The following H1-2 variants were observed in gnomAD, a reference collection of about 807,000 sequenced individuals.
The protein encoded by H1-2 is H1.2 linker histone, cluster member, also known as histone H1.2.
In H1-2, 7 loss-of-function variants were observed where a neutral mutation model predicts 7.2. The ratio of observed to expected loss-of-function variants is 0.97; its 90% CI spans 0.55 to 1.82. The LOEUF is 1.82. Ranked by LOEUF, H1-2 falls within the 40% of genes most tolerant of loss-of-function variation. H1-2 has a pLI of 0.00. For synonymous variants in H1-2, 300 were observed against 118.2 expected, an observed-to-expected ratio of 2.54 and a Z score of -9.98; for missense variants, 703 against 276.6, an observed-to-expected ratio of 2.54 and a Z score of -10.94.
rs549427826 is a variant in H1-2 at position 26,056,277 on chromosome 6, G to C, written c.152C>G (p.Ser51Cys). The stretch of plus-strand genomic sequence containing the variant: ...CAGAGAAACTCCGCTACGCTCTTTA[G>C]AGGCGGCCACAGCCTTGGTGATGAG... ...SELITKAVAA[S>C]KERSGVSLAA... The change falls in exon 1 of 1, where the codon TCT becomes TGT. Residue 51 changes from serine (S) to cysteine (C), a missense_variant. Ser to Cys is a moderately radical substitution (Grantham distance 112). Coordinates refer to ENST00000343677, the MANE Select transcript of H1-2 (RefSeq NM_005319.4). 3.7e-6 allele frequency: 6 copies of C among 1,614,250 alleles called. No homozygotes were observed. Among genetic ancestry groups the C allele is most frequent in the African/African-American group, 1.3e-5 (1 of 75,078 alleles).
Position 26,055,768 on chromosome 6 carries a change from T to G in H1-2, c.*19A>C, listed in dbSNP as rs1761899211. The G allele has an allele frequency of 1.3e-6, 2 of 1,577,522 alleles. No homozygotes were observed. Among genetic ancestry groups the G allele is most frequent in the Non-Finnish European group, 1.7e-6 (2 of 1,169,014 alleles). On this transcript the variant is annotated 3_prime_UTR_variant, in exon 1 of 1. Transcript: ENST00000343677. ...TGGCTCTGAAAAGAGCCTTTTGGGT[T>G]TTAGAAGTAGGCGTTCGCCTATTTC...
chr6:26,056,459 C>G lies in H1-2; in HGVS notation c.-31G>C. On this transcript the variant is annotated 5_prime_UTR_variant, in exon 1 of 1. Coordinates refer to ENST00000343677, the MANE Select transcript of H1-2 (RefSeq NM_005319.4). ...GAATCAAAAACTCGGGTACAAGTGG[C>G]AAAGCGCCGATGAAGCAGCGCCTGG... The G allele has an allele frequency of 6.5e-7, 1 of 1,540,944 alleles. No homozygotes were observed. The highest frequency in any genetic ancestry group is 8.7e-7 in the Non-Finnish European group (1 of 1,149,056).
In H1-2 at chr6:26,056,313, G is replaced by A. The variant is rs763803622; in HGVS notation, c.116C>T (p.Pro39Leu). 5 of 1,614,020 alleles carry A rather than the reference G, an allele frequency of 3.1e-6. No homozygotes were observed. Among genetic ancestry groups the A allele is most frequent in the Non-Finnish European group, 1.7e-6 (2 of 1,179,888 alleles). ...AGCCTTGGTGATGAGCTCTGACACC[G>A]GGGGACCAGACGCCTTACGAGGCGT... Reference protein sequence around the residue: ...GGTPRKASGPPVSELITKAVA... With the variant: ...GGTPRKASGPLVSELITKAVA... Residue 39 changes from proline (P) to leucine (L), a missense_variant, in exon 1 of 1, where the codon CCG (proline) becomes CTG (leucine). Coordinates refer to ENST00000343677, the MANE Select transcript of H1-2 (RefSeq NM_005319.4).
rs747091108 is a variant in H1-2, at chr6:26,056,353, T to C, written c.76A>G (p.Lys26Glu). The C allele has an allele frequency of 3.4e-5, 55 of 1,613,516 alleles. No individual in the cohort carries two copies. Among genetic ancestry groups the C allele is most frequent in the Non-Finnish European group, 3.8e-5 (45 of 1,179,798 alleles). The part of the protein sequence containing the change: ...EKAPVKKKAA[K>E]KAGGTPRKAS... ...TTACGAGGCGTACCCCCAGCCTTTTTGGCCGCCTTCTTCTTTACAGGGGCC... is the reference window on the plus strand; with the variant it reads ...TTACGAGGCGTACCCCCAGCCTTTTCGGCCGCCTTCTTCTTTACAGGGGCC... Residue 26 changes from lysine (K) to glutamate (E), a missense_variant, in exon 1 of 1, where the codon AAA becomes GAA. Physicochemically the swap from Lys to Glu is moderately conservative, Grantham distance 56. Coordinates refer to ENST00000343677, the MANE Select transcript of H1-2 (RefSeq NM_005319.4).
chr6:26,056,182 C>T lies in H1-2; in HGVS notation c.247G>A (p.Gly83Ser). 1.9e-6 allele frequency: 3 copies of T among 1,614,248 alleles called. No homozygotes were observed. Among genetic ancestry groups the T allele is most frequent in the Non-Finnish European group, 2.5e-6 (3 of 1,180,048 alleles). Reference sequence around the variant, plus strand: ...CCCTTGCTCACCAGGCTCTTGAGACCAAGTTTGATACGGCTGTTGTTTTTC... The same window carrying T: ...CCCTTGCTCACCAGGCTCTTGAGACTAAGTTTGATACGGCTGTTGTTTTTC... ...VEKNNSRIKL[G>S]LKSLVSKGTL... The change falls in exon 1 of 1, where the codon GGT becomes AGT. Residue 83 changes from glycine (G) to serine (S), a missense_variant. Coordinates refer to ENST00000343677, the MANE Select transcript of H1-2 (RefSeq NM_005319.4).
At position 26,056,295 on chromosome 6, in the gene H1-2, G is replaced by A. The variant is rs774567285; in HGVS notation, c.134C>T (p.Thr45Ile). 8 of 1,614,146 alleles carry A rather than the reference G, an allele frequency of 5.0e-6. No individual in the cohort carries two copies. Among genetic ancestry groups the A allele is most frequent in the South Asian group, 4.4e-5 (4 of 91,090 alleles). Reference protein sequence around the residue: ...ASGPPVSELITKAVAASKERS... With the variant: ...ASGPPVSELIIKAVAASKERS... The stretch of plus-strand genomic sequence containing the variant: ...CTCTTTAGAGGCGGCCACAGCCTTG[G>A]TGATGAGCTCTGACACCGGGGGACC... The change falls in exon 1 of 1, where the codon ACC becomes ATC. Residue 45 changes from threonine to isoleucine, a missense_variant. Coordinates refer to ENST00000343677, the MANE Select transcript of H1-2 (RefSeq NM_005319.4).
At position 26,056,264 on chromosome 6, in the gene H1-2, G is replaced by T; in HGVS notation, c.165C>A (p.Ser55Arg). 2 of 1,614,238 alleles carry T rather than the reference G, an allele frequency of 1.2e-6. No individual in the cohort carries two copies. ...TTTTCAGAGCAGCCAGAGAAACTCC[G>T]CTACGCTCTTTAGAGGCGGCCACAG... Reference protein sequence around the residue: ...TKAVAASKERSGVSLAALKKA... With the variant: ...TKAVAASKERRGVSLAALKKA... Residue 55 changes from serine (S) to arginine (R), a missense_variant, in exon 1 of 1, where the codon AGC (serine) becomes AGA (arginine). Physicochemically the swap from Ser to Arg is moderately radical, Grantham distance 110. Coordinates refer to ENST00000343677, the MANE Select transcript of H1-2 (RefSeq NM_005319.4).
Position 26,055,904 on chromosome 6 carries a change from C to T in H1-2, c.525G>A (p.Lys175=), listed in dbSNP as rs369564314. ...TVTKKVAKSP[K]KAKVAKPKKA... ...TCTTGGGCTTCGCAACCTTGGCCTT[C>T]TTTGGGCTCTTAGCCACTTTCTTGG... Residue 175 remains lysine, a synonymous_variant, in exon 1 of 1, where the codon AAG becomes AAA. Transcript: ENST00000343677. 5 of 1,614,190 alleles carry T rather than the reference C, an allele frequency of 3.1e-6. No homozygotes were observed. The highest frequency in any genetic ancestry group is 1.3e-5 in the African/African-American group (1 of 75,050).
chr6:26,055,875 G>A lies in H1-2; in HGVS notation c.554C>T (p.Ala185Val), dbSNP rs750200390. 8 of 1,614,136 alleles carry A rather than the reference G, an allele frequency of 5.0e-6. No individual in the cohort carries two copies. In the South Asian group the frequency reaches 6.6e-5, roughly 13 times the overall value. Reference protein sequence around the residue: ...KKAKVAKPKKAAKSAAKAVKP... With the variant: ...KKAKVAKPKKVAKSAAKAVKP... ...CACAGCCTTAGCAGCACTTTTGGCAGCTTTCTTGGGCTTCGCAACCTTGGC... is the reference window on the plus strand; with the variant it reads ...CACAGCCTTAGCAGCACTTTTGGCAACTTTCTTGGGCTTCGCAACCTTGGC... Residue 185 changes from alanine to valine, a missense_variant, in exon 1 of 1, where the codon GCT (alanine) becomes GTT (valine). Physicochemically the swap from Ala to Val is moderately conservative, Grantham distance 64. Coordinates refer to ENST00000343677, the MANE Select transcript of H1-2 (RefSeq NM_005319.4).
chr6:26,056,326 C>T lies in H1-2; in HGVS notation c.103G>A (p.Ala35Thr), dbSNP rs759934337. Reference sequence around the variant, plus strand: ...AGCTCTGACACCGGGGGACCAGACGCCTTACGAGGCGTACCCCCAGCCTTT... The same window carrying T: ...AGCTCTGACACCGGGGGACCAGACGTCTTACGAGGCGTACCCCCAGCCTTT... Reference protein sequence around the residue: ...AKKAGGTPRKASGPPVSELIT... With the variant: ...AKKAGGTPRKTSGPPVSELIT... Residue 35 changes from alanine to threonine, a missense_variant, in exon 1 of 1, where the codon GCG becomes ACG. Physicochemically the swap from Ala to Thr is moderately conservative, Grantham distance 58. Coordinates refer to ENST00000343677, the MANE Select transcript of H1-2 (RefSeq NM_005319.4). The T allele has an allele frequency of 6.2e-6, 10 of 1,613,946 alleles. No individual in the cohort carries two copies. Among genetic ancestry groups the T allele is most frequent in the East Asian group, 2.2e-5 (1 of 44,872 alleles).
chr6:26,056,406 G>A lies in H1-2; in HGVS notation c.23C>T (p.Ala8Val), dbSNP rs145032219. MSETAPA[A>V]PAAAPPAEKA... The stretch of plus-strand genomic sequence containing the variant: ...CTCCGCAGGAGGCGCGGCAGCGGGA[G>A]CGGCAGGAGCAGTCTCGGACATGTT... Residue 8 changes from alanine (A) to valine (V), a missense_variant, in exon 1 of 1, where the codon GCT (alanine) becomes GTT (valine). Coordinates refer to ENST00000343677, the MANE Select transcript of H1-2 (RefSeq NM_005319.4). The A allele has an allele frequency of 5.6e-6, 9 of 1,599,580 alleles. No homozygotes were observed. The highest frequency in any genetic ancestry group is 2.2e-5 in the South Asian group (2 of 89,702).
At position 26,055,770 on chromosome 6, in the gene H1-2, T is replaced by C. The variant is rs768469338; in HGVS notation, c.*17A>G. On this transcript the variant is annotated 3_prime_UTR_variant, in exon 1 of 1. Coordinates refer to ENST00000343677, the MANE Select transcript of H1-2 (RefSeq NM_005319.4). ...GCTCTGAAAAGAGCCTTTTGGGTTT[T>C]AGAAGTAGGCGTTCGCCTATTTCTT... is the stretch of plus-strand genomic sequence containing the variant. 3 of 1,578,194 alleles carry C rather than the reference T, an allele frequency of 1.9e-6. No homozygotes were observed. The highest frequency in any genetic ancestry group is 2.1e-5 in the Admixed American group (1 of 48,676).
At position 26,056,027 on chromosome 6, in the gene H1-2, T is replaced by C. The variant is rs2113701381; in HGVS notation, c.402A>G (p.Ala134=). 6.2e-7 allele frequency: 1 copy of C among 1,614,116 alleles called. No homozygotes were observed. Among genetic ancestry groups the C allele is most frequent in the Non-Finnish European group, 8.5e-7 (1 of 1,180,022 alleles). ...GGTKPKKPVG[A]AKKPKKAAGG... ...CAGCCGCCTTCTTGGGCTTCTTGGC[T>C]GCCCCAACTGGCTTCTTAGGTTTGG... Residue 134 remains alanine, a synonymous_variant, in exon 1 of 1, where the codon GCA becomes GCG. Transcript: ENST00000343677.
Position 26,056,234 on chromosome 6 carries a change from C to A in H1-2, c.195G>T (p.Ala65=), listed in dbSNP as rs1291213179. 8 of 1,614,136 alleles carry A rather than the reference C, an allele frequency of 5.0e-6. No homozygotes were observed. Among genetic ancestry groups the A allele is most frequent in the South Asian group, 4.4e-5 (4 of 91,096 alleles). The change falls in exon 1 of 1, where the codon GCG becomes GCT. Residue 65 remains alanine, a synonymous_variant. Transcript: ENST00000343677. ...CCACATCATAGCCGGCGGCAGCCAA[C>A]GCTTTTTTCAGAGCAGCCAGAGAAA... is the stretch of plus-strand genomic sequence containing the variant. ...SGVSLAALKK[A]LAAAGYDVEK...
rs1761911727 is a variant in H1-2, at chr6:26,056,023, TGGCTGCCCC to T, written c.397_405del (p.Gly133_Ala135del). 1 of 1,614,124 alleles carries T rather than the reference TGGCTGCCCC, an allele frequency of 6.2e-7. No homozygotes were observed. The highest frequency in any genetic ancestry group is 8.5e-7 in the Non-Finnish European group (1 of 1,180,020). ...CCGCCAGCCGCCTTCTTGGGCTTCTTGGCTGCCCCAACTGGCTTCTTAGGTTTGGTTCCG... is the reference window on the plus strand; with the variant it reads ...CCGCCAGCCGCCTTCTTGGGCTTCTTAACTGGCTTCTTAGGTTTGGTTCCG... On this transcript the variant is annotated inframe_deletion, in exon 1 of 1. Transcript: ENST00000343677.
Position 26,055,843 on chromosome 6 carries a change from T to TG in H1-2, c.585dup (p.Lys196GlnfsTer4). The stretch of plus-strand genomic sequence containing the variant: ...TTGACAACCTTGGGCTTAGCGGCCT[T>TG]GGGCTTCACAGCCTTAGCAGCACTT... On this transcript the variant is annotated frameshift_variant, in exon 1 of 1. Transcript: ENST00000343677. LOFTEE classifies it high-confidence loss of function. The TG allele has an allele frequency of 1.2e-6, 2 of 1,613,670 alleles. No individual in the cohort carries two copies. The highest frequency in any genetic ancestry group is 1.7e-6 in the Non-Finnish European group (2 of 1,179,808).
chr6:26,056,368 T>C lies in H1-2; in HGVS notation c.61A>G (p.Lys21Glu), dbSNP rs572175132. Residue 21 changes from lysine to glutamate, a missense_variant, in exon 1 of 1, where the codon AAG becomes GAG. Physicochemically the swap from Lys to Glu is moderately conservative, Grantham distance 56 (BLOSUM62 1). Transcript: ENST00000343677. ...CCAGCCTTTTTGGCCGCCTTCTTCTTTACAGGGGCCTTCTCCGCAGGAGGC... is the reference window on the plus strand; with the variant it reads ...CCAGCCTTTTTGGCCGCCTTCTTCTCTACAGGGGCCTTCTCCGCAGGAGGC... ...AAPPAEKAPV[K>E]KKAAKKAGGT... is the part of the protein sequence containing the mutation. 1.9e-6 allele frequency: 3 copies of C among 1,612,110 alleles called. No individual in the cohort carries two copies. The highest frequency in any genetic ancestry group is 2.5e-6 in the Non-Finnish European group (3 of 1,179,114).
At position 26,056,043 on chromosome 6, in the gene H1-2, T is replaced by C. The variant is rs777247212; in HGVS notation, c.386A>G (p.Lys129Arg). The C allele has an allele frequency of 2.5e-6, 4 of 1,614,144 alleles. No individual in the cohort carries two copies. Among genetic ancestry groups the C allele is most frequent in the South Asian group, 1.1e-5 (1 of 91,084 alleles). Residue 129 changes from lysine to arginine, a missense_variant, in exon 1 of 1, where the codon AAG (lysine) becomes AGG (arginine). By Grantham distance (26) the Lys-to-Arg change is conservative. Transcript: ENST00000343677. ...CTTCTTGGCTGCCCCAACTGGCTTC[T>C]TAGGTTTGGTTCCGCCCGCCTTTTT... ...KVKKAGGTKP[K>R]KPVGAAKKPK...
Position 26,055,974 on chromosome 6 carries a change from T to C in H1-2, c.455A>G (p.Lys152Arg), listed in dbSNP as rs750914569. The change falls in exon 1 of 1, where the codon AAG (lysine) becomes AGG (arginine). Residue 152 changes from lysine to arginine, a missense_variant. Physicochemically the swap from Lys to Arg is conservative, Grantham distance 26. Transcript: ENST00000343677. Reference sequence around the variant, plus strand: ...CTTCTTCGCTTTCTTCGGTGTTTTCTTAGCGCTCTTCTTCGGAGTTGCGCC... The same window carrying C: ...CTTCTTCGCTTTCTTCGGTGTTTTCCTAGCGCTCTTCTTCGGAGTTGCGCC... ...AGGATPKKSA[K>R]KTPKKAKKPA... The C allele has an allele frequency of 1.2e-6, 2 of 1,614,074 alleles. No homozygotes were observed. Among genetic ancestry groups the C allele is most frequent in the African/African-American group, 1.3e-5 (1 of 75,024 alleles).
Sources: allele counts gnomAD v4.1 joint callset, GRCh38; gene constraint gnomAD v4.1.1; transcripts MANE v1.5; gene names NCBI Gene and HGNC (gene_info 2026-07-23, HGNC 2026-07-21).